FBXL17: variants seen among roughly 807,000 people sequenced by gnomAD.
The protein encoded by FBXL17 is F-box and leucine rich repeat protein 17, also known as F-box/LRR-repeat protein 17.
Under a neutral mutation model 66.2 loss-of-function variants are expected in FBXL17, and 22 were observed. That is an observed-to-expected ratio of 0.33 (90% CI 0.24 to 0.47). The LOEUF (loss-of-function observed/expected upper bound fraction) is 0.47. Among genes scored for constraint, FBXL17 ranks in the 20% least tolerant of loss-of-function variants. The pLI is 1.00. For missense variants in FBXL17, 878 were observed against 948.2 expected (o/e 0.93, Z 0.97); for synonymous variants, 474 against 400.5 (o/e 1.18, Z -2.19).
chr5:107,985,301 C>T (rs780139399), intron 7 of FBXL17, among the ~76,000 whole-genome samples: 1 of 152,192 alleles, frequency 6.6e-6, no homozygotes, highest in Non-Finnish European at 1.5e-5. Context: ...ATTATATGCA[C>T]CTTCAGAGCA....
intron 7 of FBXL17, among the ~76,000 whole-genome samples, chr5:107,989,251 G>A (rs1580293054): frequency 2.0e-5 from 3 of 151,772 alleles, no homozygotes; most frequent in South Asian, 2.1e-4. Context: ...CTATTTTAAC[G>A]TATCTTCGTA....
At position 107,988,720 on chromosome 5, in the gene FBXL17, T is replaced by C. The variant is rs557415949; in HGVS notation, c.1822+32205A>G. 9.2e-5 allele frequency among the ~76,000 whole-genome samples: 14 copies of C among 152,164 alleles called. 1 individual carries two copies. Among genetic ancestry groups the C allele is most frequent in the African/African-American group, 2.9e-4 (12 of 41,560 alleles). The stretch of plus-strand genomic sequence containing the variant: ...GGATGAAATTCTTTTATTATAGATA[T>C]AGTGCTATCTTTAAATTTGTTGGTC... On this transcript the variant is annotated intron_variant, in intron 7 of 8. Transcript: ENST00000542267.
intron 7 of FBXL17, among the ~76,000 whole-genome samples, chr5:107,936,290 CA>C (rs1339723020): frequency 6.6e-6 from 1 of 152,056 alleles, no homozygotes; most frequent in African/African-American, 2.4e-5. Flanking sequence ...GTTTTACACT[CA>C]AATCTTTTCA....
intron 6 of FBXL17, among the ~76,000 whole-genome samples, chr5:108,093,705 T>C (rs1350583388): frequency 6.6e-6 from 1 of 152,194 alleles, no homozygotes; most frequent in African/African-American, 2.4e-5. Context: ...TCGGCAAAGA[T>C]TATACGCAGA....
chr5:108,194,040 T>G (rs1032120123), intron 5 of FBXL17, among the ~76,000 whole-genome samples: 1 of 152,264 alleles, frequency 6.6e-6, no homozygotes, highest in South Asian at 2.1e-4. Flanking sequence ...TGAAACAACT[T>G]TGATCAAATC....
intron 6 of FBXL17, among the ~76,000 whole-genome samples, chr5:108,145,406 T>C (rs545214552): frequency 1.3e-5 from 2 of 152,310 alleles, no homozygotes; most frequent in East Asian, 3.9e-4. Flanking sequence ...GACAGAACTC[T>C]AAAGTTCATA....
chr5:108,069,728 G>A (rs551982376), intron 6 of FBXL17, among the ~76,000 whole-genome samples: 2 of 152,172 alleles, frequency 1.3e-5, no homozygotes, highest in Non-Finnish European at 2.9e-5. Flanking sequence ...GTTTCAAAGG[G>A]TGTCATGCCC....
intron 7 of FBXL17, among the ~76,000 whole-genome samples, chr5:107,990,915 C>T (rs1257112908): frequency 1.3e-5 from 2 of 152,108 alleles, no homozygotes; most frequent in African/African-American, 4.8e-5. Flanking sequence ...TCTTAATAAC[C>T]ATCCAATTTT....
chr5:107,899,221 T>C (rs1376990379), intron 7 of FBXL17, among the ~76,000 whole-genome samples: 1 of 152,240 alleles, frequency 6.6e-6, no homozygotes, highest in Non-Finnish European at 1.5e-5. Flanking sequence ...TAATGACTTT[T>C]CTCTATTTAC....
At chr5:108,344,295 TCA>T (rs1375088072) in intron 4 of FBXL17, among the ~76,000 whole-genome samples, 1 of 152,062 alleles carries the variant, frequency 6.6e-6, no homozygotes, top group Non-Finnish European at 1.5e-5. Context: ...CTAAGAGAAG[TCA>T]CAGAATTATA....
At chr5:108,054,330 G>GT (rs796107101) in intron 6 of FBXL17, among the ~76,000 whole-genome samples, 14 of 152,184 alleles carry the variant, frequency 9.2e-5, no homozygotes, top group Middle Eastern at 6.8e-3. Flanking sequence ...ACAGTTATGG[G>GT]TTTTTTTAGC....
Position 108,329,123 on chromosome 5 carries a change from T to C in FBXL17, c.1506+19276A>G, listed in dbSNP as rs887873815. Among the ~76,000 whole-genome samples, 25 of 152,268 alleles carry C rather than the reference T, an allele frequency of 1.6e-4. 2 individuals are homozygous for C. Among genetic ancestry groups the C allele is most frequent in the Admixed American group, 1.4e-3 (22 of 15,300 alleles). ...GTAAGAACTTCTGTTTATATTTAGGTATATCTTGTCTCTTTCCAAAAAGAA... is the reference window on the plus strand; with the variant it reads ...GTAAGAACTTCTGTTTATATTTAGGCATATCTTGTCTCTTTCCAAAAAGAA... On this transcript the variant is annotated intron_variant, in intron 4 of 8. Transcript: ENST00000542267.
At chr5:108,359,832 C>A (rs1748230100) in intron 3 of FBXL17, among the ~76,000 whole-genome samples, 1 of 152,038 alleles carries the variant, frequency 6.6e-6, no homozygotes, top group African/African-American at 2.4e-5. Context: ...TGTTCATCCT[C>A]TGCTTCTTTG....
chr5:108,206,997 T>G (rs1754148940), intron 5 of FBXL17, among the ~76,000 whole-genome samples: 1 of 152,166 alleles, frequency 6.6e-6, no homozygotes, highest in Non-Finnish European at 1.5e-5. Flanking sequence ...TGTGTAAAAT[T>G]GGACCACAAG....
At chr5:108,242,389 T>C (rs1407113389) in intron 4 of FBXL17, among the ~76,000 whole-genome samples, 2 of 150,438 alleles carry the variant, frequency 1.3e-5, no homozygotes, top group Non-Finnish European at 2.9e-5. Flanking sequence ...GTTGTTGTTG[T>C]TGTTGTTGTC....
intron 6 of FBXL17, among the ~76,000 whole-genome samples, chr5:108,094,766 CATT>C (rs751264365): frequency 3.3e-5 from 5 of 151,612 alleles, no homozygotes; most frequent in African/African-American, 4.8e-5. Context: ...CTAATTATTA[CATT>C]ATTTACTATG....
At chr5:107,962,463 A>AT (rs1751952423) in intron 7 of FBXL17, among the ~76,000 whole-genome samples, 1 of 152,096 alleles carries the variant, frequency 6.6e-6, no homozygotes, top group Non-Finnish European at 1.5e-5. Flanking sequence ...GGATATTGGT[A>AT]TTTTTTCATT....
At chr5:108,111,420 G>A (rs40062) in intron 6 of FBXL17, among the ~76,000 whole-genome samples, 120,798 of 152,120 alleles carry the variant, frequency 0.79, 48,657 homozygotes, top group East Asian at 0.92. Context: ...AGTTCAAACT[G>A]AAGTCAGATT....
At chr5:108,376,736 A>C (rs1580927101) in intron 1 of FBXL17, among the ~76,000 whole-genome samples, 2 of 151,736 alleles carry the variant, frequency 1.3e-5, no homozygotes, top group East Asian at 3.9e-4. Flanking sequence ...CGTGTCTTAA[A>C]ATTTGTTGTT....
Sources: gnomAD v4.1 joint callset for allele counts (sites outside exome capture counted in the v4.1 genomes callset) on GRCh38, gnomAD v4.1.1 for gene constraint, MANE v1.5 for transcripts, NCBI Gene and HGNC (gene_info 2026-07-23, HGNC 2026-07-21) for gene names.